The following ISM2 variants were observed in gnomAD, a reference collection of about 807,000 sequenced individuals.
The protein encoded by ISM2 is isthmin 2.
A neutral mutation model predicts 58.0 loss-of-function variants in ISM2; 50 were observed. That is an observed-to-expected ratio of 0.86 (90% confidence interval 0.69 to 1.09). ISM2 has a LOEUF of 1.09. Ranked by LOEUF, ISM2 falls within the 50% of genes least tolerant of loss-of-function variation. ISM2 has a pLI of 0.00. For synonymous variants in ISM2, 303 were observed against 312.4 expected, an observed-to-expected ratio of 0.97 and a Z score of 0.32; for missense variants, 723 against 745.0, an observed-to-expected ratio of 0.97 and a Z score of 0.34.
In ISM2 at chr14:77,476,068, G is replaced by T; in HGVS notation, c.1243C>A (p.Leu415Ile). The change falls in exon 7 of 7, where the codon CTA (leucine) becomes ATA (isoleucine). Residue 415 changes from leucine (L) to isoleucine (I), a missense_variant. By Grantham distance (5) the Leu-to-Ile change is conservative (BLOSUM62 2). Transcript: ENST00000342219. ...EKWLNCKSDF[L>I]IKYLSQMLRD... is the part of the protein sequence containing the mutation. ...AGCATCTGGCTCAGATACTTGATTA[G>T]GAAGTCGCTCTTGCAGTTCAGCCAC... is the stretch of plus-strand genomic sequence containing the variant. The T allele has an allele frequency of 6.5e-7, 1 of 1,530,558 alleles. No individual in the cohort carries two copies. Among genetic ancestry groups the T allele is most frequent in the Non-Finnish European group, 8.8e-7 (1 of 1,142,372 alleles). The allele number at this position is 1,530,558 out of a possible 1,614,324, so 94.8% of individuals were successfully genotyped here.
chr14:77,483,571 AAAG>A (rs1303593158), intron 3 of ISM2, among the ~76,000 whole-genome samples: 1 of 151,928 alleles, frequency 6.6e-6, no homozygotes, highest in Non-Finnish European at 1.5e-5. Context: ...AAGAAAGAAA[AAAG>A]AATATCACCT....
At position 77,475,557 on chromosome 14, in the gene ISM2, T is replaced by A; in HGVS notation, c.*38A>T. On this transcript the variant is annotated 3_prime_UTR_variant, in exon 7 of 7. Coordinates refer to ENST00000342219, the MANE Select transcript of ISM2 (RefSeq NM_199296.3). This position sits in a 1 kb window ranked among gnomAD's most constrained non-coding sequence, Gnocchi z 4.1. ...CTCCCGTGCAACAGCAGCAGCCGCC[T>A]GCCCTCTCCCTGCAGTGTCTGTTCA... The A allele has an allele frequency of 6.6e-7, 1 of 1,512,432 alleles. No homozygotes were observed. 93.7% of individuals were successfully genotyped at this position (1,512,432 alleles called of 1,614,324 possible).
At chr14:77,498,118 T>G (rs2079258953) in intron 1 of ISM2, 3 of 441,040 alleles carry the variant, frequency 6.8e-6, no homozygotes, top group African/African-American at 2.1e-5. Context: ...TATACCCCAA[T>G]GCCCACCCAC....
chr14:77,478,456 C>A, intron 5 of ISM2, 119 bp downstream of exon 5: 1 of 1,441,130 alleles, frequency 6.9e-7, no homozygotes, highest in Non-Finnish European at 9.6e-7. Flanking sequence ...AAGGCAGGAC[C>A]ACCATGTTTT....
chr14:77,475,485 G>A lies in ISM2; in HGVS notation c.*110C>T, dbSNP rs1054661284. The stretch of plus-strand genomic sequence containing the variant: ...ACAGCCTCGGACCAACCTCACTGGG[G>A]GAGCCCTTTCCTCACCCTGTCTGGG... On this transcript the variant is annotated 3_prime_UTR_variant, in exon 7 of 7. Coordinates refer to ENST00000342219, the MANE Select transcript of ISM2 (RefSeq NM_199296.3). The surrounding 1 kb of genome is among the most constrained non-coding windows in gnomAD (Gnocchi z 4.1). 8.4e-7 allele frequency: 1 copy of A among 1,191,412 alleles called. No homozygotes were observed. The highest frequency in any genetic ancestry group is 1.2e-6 in the Non-Finnish European group (1 of 852,342). The allele number at this position is 1,191,412 out of a possible 1,614,324, so 73.8% of individuals were successfully genotyped here.
rs1030189412 is a variant in ISM2, at chr14:77,482,473, G to A, written c.822C>T (p.Asp274=). The A allele has an allele frequency of 6.2e-7, 1 of 1,614,134 alleles. No homozygotes were observed. Among genetic ancestry groups the A allele is most frequent in the Non-Finnish European group, 8.5e-7 (1 of 1,179,982 alleles). The stretch of plus-strand genomic sequence containing the variant: ...CACCCTCGATATCCTCTGAAGGATA[G>A]TCCTCGTCTTCCTCCTTTTCCTCCC... ...EKGEEKEEDE[D]YPSEDIEGED... The change falls in exon 4 of 7, where the codon GAC becomes GAT. Residue 274 remains aspartate, a synonymous_variant. Coordinates refer to ENST00000342219, the MANE Select transcript of ISM2 (RefSeq NM_199296.3).
chr14:77,485,037 C>T (rs2079159476), intron 1 of ISM2, 118 bp from the exon 2 acceptor site: 2 of 1,033,084 alleles, frequency 1.9e-6, no homozygotes, highest in Non-Finnish European at 2.8e-6. Context: ...TAAACTCACC[C>T]TGTGACTTAC....
intron 6 of ISM2, 151 bp downstream of exon 6, chr14:77,478,091 G>A: frequency 1.4e-6 from 1 of 691,650 alleles, no homozygotes; most frequent in African/African-American, 1.8e-5. Context: ...GAAATGCCAG[G>A]GCCCCCTGTT....
Position 77,475,991 on chromosome 14 carries a change from G to C in ISM2, c.1320C>G (p.Ser440Arg). Residue 440 changes from serine (S) to arginine (R), a missense_variant, in exon 7 of 7, where the codon AGC becomes AGG. Physicochemically the swap from Ser to Arg is moderately radical, Grantham distance 110. Coordinates refer to ENST00000342219, the MANE Select transcript of ISM2 (RefSeq NM_199296.3). This position sits in a 1 kb window ranked among gnomAD's most constrained non-coding sequence, Gnocchi z 4.1. ...PCAYPLEAMD[S>R]PVSLQDEHQG... ...GGTGCTCGTCCTGTAGGCTCACAGG[G>C]CTGTCCATGGCCTCCAGTGGGTAGG... 1 of 1,590,570 alleles carries C rather than the reference G, an allele frequency of 6.3e-7. No individual in the cohort carries two copies.
At chr14:77,489,009 C>T (rs981339549) in intron 1 of ISM2, among the ~76,000 whole-genome samples, 3 of 152,166 alleles carry the variant, frequency 2.0e-5, no homozygotes, top group Non-Finnish European at 4.4e-5. Context: ...AATAGAGATA[C>T]ATCTGAGGTA....
At chr14:77,478,391 C>G in intron 5 of ISM2, 66 bp from the exon 6 acceptor site, 3 of 1,463,506 alleles carry the variant, frequency 2.0e-6, no homozygotes, top group Non-Finnish European at 2.9e-6. Context: ...GATGGGGAAA[C>G]CCCCCCACCT....
chr14:77,476,444 A>G (rs921037711), intron 6 of ISM2, among the ~76,000 whole-genome samples: 3 of 152,218 alleles, frequency 2.0e-5, no homozygotes, highest in African/African-American at 7.2e-5. Flanking sequence ...GAGATCTTGG[A>G]AAAGGATCTG....
At chr14:77,476,382 T>C (rs1330377067) in intron 6 of ISM2, among the ~76,000 whole-genome samples, 3 of 152,194 alleles carry the variant, frequency 2.0e-5, no homozygotes, top group Non-Finnish European at 4.4e-5. Flanking sequence ...TGTCACATGC[T>C]GAATGGTGGG....
chr14:77,498,748 G>A lies in ISM2; in HGVS notation c.46C>T (p.Leu16=), dbSNP rs1327435316. 1.4e-6 allele frequency: 2 copies of A among 1,481,458 alleles called. No homozygotes were observed. The highest frequency in any genetic ancestry group is 1.8e-6 in the Non-Finnish European group (2 of 1,124,670). The allele number at this position is 1,481,458 out of a possible 1,614,324, so 91.8% of individuals were successfully genotyped here. ...GCCGCCTCCAGCAGCGCCGCCAGCAGCAGCACGCAGAGGAGGAGCCCGGCT... is the reference window on the plus strand; with the variant it reads ...GCCGCCTCCAGCAGCGCCGCCAGCAACAGCACGCAGAGGAGGAGCCCGGCT... ...DRAGLLLCVL[L]LAALLEAALG... The change falls in exon 1 of 7, where the codon CTG becomes TTG. Residue 16 remains leucine (L), a synonymous_variant. Transcript: ENST00000342219.
At chr14:77,496,799 G>GAAA (rs772342344) in intron 1 of ISM2, among the ~76,000 whole-genome samples, 5 of 25,802 alleles carry the variant, frequency 1.9e-4, no homozygotes, top group African/African-American at 5.5e-4. Context: ...TCCATCTCAG[G>GAAA]AAAAAAAAAA....
intron 6 of ISM2, among the ~76,000 whole-genome samples, chr14:77,476,455 G>C (rs2079099290): frequency 6.6e-6 from 1 of 152,194 alleles, no homozygotes. Flanking sequence ...AAAGGATCTG[G>C]GGTGAGTGGA....
At chr14:77,489,180 C>A (rs2079185961) in intron 1 of ISM2, among the ~76,000 whole-genome samples, 1 of 152,202 alleles carries the variant, frequency 6.6e-6, no homozygotes, top group Non-Finnish European at 1.5e-5. Flanking sequence ...GTTTCAGCCC[C>A]TTCACAGTTC....
chr14:77,495,770 C>T (rs527626879), intron 1 of ISM2, among the ~76,000 whole-genome samples: 15 of 152,004 alleles, frequency 9.9e-5, no homozygotes, highest in Admixed American at 7.2e-4. Flanking sequence ...ACGAGGGTGC[C>T]GAGGCTGAGA....
chr14:77,476,139 G>A (rs2139952303), intron 6 of ISM2, 27 bp from the exon 7 acceptor site: 1 of 1,502,578 alleles, frequency 6.7e-7, no homozygotes, highest in Non-Finnish European at 8.8e-7. Context: ...AGTGCAGGAG[G>A]GAAGCCAGTG....
Sources: allele counts gnomAD v4.1 joint callset (sites outside exome capture counted in the v4.1 genomes callset), GRCh38; gene constraint gnomAD v4.1.1; non-coding constraint Gnocchi (gnomAD v3.1); transcripts MANE v1.5; gene names NCBI Gene and HGNC (gene_info 2026-07-23, HGNC 2026-07-21).